Variants in TSPAN18 observed in about 807,000 individuals in gnomAD.
The protein encoded by TSPAN18 is tetraspanin-18.
Under a neutral mutation model 27.3 loss-of-function variants are expected in TSPAN18, and 14 were observed. The ratio of observed to expected loss-of-function variants is 0.51; its 90% CI spans 0.34 to 0.80. The LOEUF (loss-of-function observed/expected upper bound fraction) is 0.80, where lower values mean the gene tolerates loss of function less well. Among genes scored for constraint, TSPAN18 ranks in the 30% least tolerant of loss-of-function variants. The pLI, the probability that TSPAN18 is intolerant of heterozygous loss-of-function variation, is 0.01. For synonymous variants in TSPAN18, 143 were observed against 136.5 expected (o/e 1.05, Z -0.33); for missense variants, 268 against 323.9 (o/e 0.83, Z 1.32).
At chr11:44,790,163 G>GCGCA in intron 2 of TSPAN18, among the ~76,000 whole-genome samples, 1 of 151,720 alleles carries the variant, frequency 6.6e-6, no homozygotes, top group Non-Finnish European at 1.5e-5. Context: ...ATGTGTGTGT[G>GCGCA]TGCATGTGTG....
chr11:44,817,175 G>A (rs1388106297), intron 2 of TSPAN18, among the ~76,000 whole-genome samples: 1 of 152,236 alleles, frequency 6.6e-6, no homozygotes, highest in Admixed American at 6.5e-5. Flanking sequence ...CATGCACGGT[G>A]GGCCATCCTG....
chr11:44,726,344 A>T (rs923331420), upstream of TSPAN18: 1 of 152,316 alleles, frequency 6.6e-6, no homozygotes, highest in Admixed American at 6.5e-5. Flanking sequence ...AGAGAAGAAA[A>T]GATAAGCTCC....
At chr11:44,729,965 G>A (rs777421032) in intron 1 of TSPAN18, among the ~76,000 whole-genome samples, 20 of 152,120 alleles carry the variant, frequency 1.3e-4, no homozygotes, top group Non-Finnish European at 2.6e-4. Flanking sequence ...TGCTTCCTCC[G>A]TCTGTAAAAT....
Position 44,926,712 on chromosome 11 carries a change from C to T in TSPAN18, c.654C>T (p.Tyr218=), listed in dbSNP as rs34695714. Residue 218 remains tyrosine, a synonymous_variant, in exon 9 of 10, where the codon TAC becomes TAT. Transcript: ENST00000520358. The part of the protein sequence containing the change: ...YTVILNTFET[Y]VYLAGALAIG... ...TGATCCTCAACACCTTCGAGACCTA[C>T]GTCTACTTGGCCGGAGCCCTTGCCA... 3.8e-3 allele frequency: 6,096 copies of T among 1,614,132 alleles called. 210 individuals are homozygous for T. The African/African-American group carries it at 0.073, about 19-fold the overall frequency.
chr11:44,733,772 C>T (rs1237441642), intron 1 of TSPAN18, among the ~76,000 whole-genome samples: 5 of 152,192 alleles, frequency 3.3e-5, no homozygotes, highest in Admixed American at 6.5e-5. Flanking sequence ...AGCCAAGCTT[C>T]GGGGTACCCT....
intron 2 of TSPAN18, among the ~76,000 whole-genome samples, chr11:44,779,359 A>G (rs893289784): frequency 2.6e-5 from 4 of 152,166 alleles, no homozygotes; most frequent in African/African-American, 9.7e-5. Flanking sequence ...TTCAGATGCC[A>G]ATAAAAACAC....
intron 2 of TSPAN18, among the ~76,000 whole-genome samples, chr11:44,794,684 G>A (rs1856306770): frequency 6.6e-6 from 1 of 151,958 alleles, no homozygotes. Flanking sequence ...AAAAAAAAAG[G>A]GAGAACTCAG....
rs1189432235 is a variant in TSPAN18, at chr11:44,929,684, T to C, written c.*506T>C. On this transcript the variant is annotated 3_prime_UTR_variant, in exon 10 of 10. Transcript: ENST00000520358. The stretch of plus-strand genomic sequence containing the variant: ...ATCCCTGGTCCACTGGAGGATGGAC[T>C]GTTCCCCCCTTCAGGCCGGGGCCAA... 6.5e-6 allele frequency: 1 copy of C among 154,900 alleles called. No homozygotes were observed. Among genetic ancestry groups the C allele is most frequent in the East Asian group, 1.9e-4 (1 of 5,272 alleles). The allele number at this position is 154,900 out of a possible 1,614,324, so 9.6% of individuals were successfully genotyped here.
At chr11:44,896,552 A>T (rs1393503142) in intron 3 of TSPAN18, among the ~76,000 whole-genome samples, 1 of 152,090 alleles carries the variant, frequency 6.6e-6, no homozygotes, top group Admixed American at 6.5e-5. Flanking sequence ...TGTTTAGGCC[A>T]AATAGGGGTG....
intron 1 of TSPAN18, chr11:44,736,124 C>CT (rs1308703525): frequency 1.3e-5 from 2 of 152,214 alleles, no homozygotes; most frequent in African/African-American, 4.8e-5. Context: ...TGGTAAATTA[C>CT]TCTCTATACA....
At chr11:44,876,649 G>A (rs1316775651) in intron 3 of TSPAN18, among the ~76,000 whole-genome samples, 1 of 152,214 alleles carries the variant, frequency 6.6e-6, no homozygotes, top group Non-Finnish European at 1.5e-5. Flanking sequence ...GGTTTAAGTG[G>A]TGGGTGGCTC....
chr11:44,913,131 T>C (rs911705935), intron 5 of TSPAN18, among the ~76,000 whole-genome samples: 2 of 152,248 alleles, frequency 1.3e-5, no homozygotes, highest in African/African-American at 4.8e-5. Flanking sequence ...TCTAGAAGCC[T>C]TTCACTGCTT....
chr11:44,884,480 G>A (rs1021371062), intron 3 of TSPAN18, among the ~76,000 whole-genome samples: 4 of 152,200 alleles, frequency 2.6e-5, no homozygotes, highest in African/African-American at 4.8e-5. Context: ...CGATCAGCTC[G>A]ACTTCCTCCA....
intron 2 of TSPAN18, among the ~76,000 whole-genome samples, chr11:44,830,334 T>C (rs551188003): frequency 6.6e-6 from 1 of 152,366 alleles, no homozygotes; most frequent in African/African-American, 2.4e-5. Flanking sequence ...ATTTATTTGC[T>C]GGATTATAGT....
intron 2 of TSPAN18, among the ~76,000 whole-genome samples, chr11:44,793,864 C>T (rs374349644): frequency 3.9e-5 from 6 of 152,140 alleles, no homozygotes; most frequent in Non-Finnish European, 5.9e-5. Context: ...TTAAGTGTTC[C>T]GAACAGCACT....
chr11:44,925,464 C>T (rs1860317589), intron 8 of TSPAN18, among the ~76,000 whole-genome samples: 1 of 152,200 alleles, frequency 6.6e-6, no homozygotes, highest in Admixed American at 6.5e-5. Context: ...AGCTCCTGGT[C>T]AGCCTCCAGG....
chr11:44,856,040 C>G (rs569829302), intron 2 of TSPAN18, among the ~76,000 whole-genome samples: 2 of 151,760 alleles, frequency 1.3e-5, no homozygotes, highest in Admixed American at 1.3e-4. Context: ...TGTACCACCA[C>G]GCCTGGCTAA....
At chr11:44,812,048 T>G (rs993714383) in intron 2 of TSPAN18, among the ~76,000 whole-genome samples, 1 of 152,222 alleles carries the variant, frequency 6.6e-6, no homozygotes, top group Non-Finnish European at 1.5e-5. Flanking sequence ...GGTTTCCTTC[T>G]TTCATCACTC....
chr11:44,737,192 C>T (rs1312593230), intron 1 of TSPAN18, among the ~76,000 whole-genome samples: 1 of 152,182 alleles, frequency 6.6e-6, no homozygotes, highest in African/African-American at 2.4e-5. Flanking sequence ...GCCATAGCAC[C>T]AAAGCCCAAA....
Sources: allele counts gnomAD v4.1 joint callset (sites outside exome capture counted in the v4.1 genomes callset), GRCh38; gene constraint gnomAD v4.1.1; transcripts MANE v1.5; gene names NCBI Gene and HGNC (gene_info 2026-07-23, HGNC 2026-07-21).